Variants in HMCN1 observed in about 807,000 individuals in gnomAD.
HMCN1 encodes the protein hemicentin 1.
In HMCN1, 321 loss-of-function variants were observed where a neutral mutation model predicts 625.9. The observed-to-expected ratio is 0.51, with a 90% CI of 0.47 to 0.56. The LOEUF (loss-of-function observed/expected upper bound fraction) is 0.56, where lower values mean the gene tolerates loss of function less well. Among genes scored for constraint, HMCN1 ranks in the 20% least tolerant of loss-of-function variants. HMCN1 has a pLI of 0.00. For missense variants in HMCN1, 6,588 were observed against 6,887.3 expected (o/e 0.96, Z 1.54); for synonymous variants, 2,425 against 2,417.6 (o/e 1.00, Z -0.09).
Position 186,152,891 on chromosome 1 carries a change from T to A in HMCN1, c.15018+20T>A. The A allele has an allele frequency of 6.2e-7, 1 of 1,613,240 alleles. No individual in the cohort carries two copies. Among genetic ancestry groups the A allele is most frequent in the Non-Finnish European group, 8.5e-7 (1 of 1,179,324 alleles). ...GTAAAGGTAAAATGCCAGGATAACT[T>A]GTCTTTGCTGCTTATTAGAGTAATG... On this transcript the variant is annotated intron_variant, in intron 96 of 106. Transcript: ENST00000271588.
intron 97 of HMCN1, among the ~76,000 whole-genome samples, chr1:186,157,990 G>T (rs939048121): frequency 3.3e-5 from 5 of 151,682 alleles, no homozygotes; most frequent in Non-Finnish European, 7.4e-5. Context: ...GGTATTTCTA[G>T]TTCTAGATCC....
intron 14 of HMCN1, among the ~76,000 whole-genome samples, chr1:185,966,162 C>A (rs1447544763): frequency 6.6e-6 from 1 of 152,102 alleles, no homozygotes; most frequent in Non-Finnish European, 1.5e-5. Context: ...GCTGAACATT[C>A]TCTTTGTTAG....
chr1:185,875,680 C>A (rs923943940), intron 4 of HMCN1, among the ~76,000 whole-genome samples: 1 of 152,092 alleles, frequency 6.6e-6, no homozygotes, highest in Admixed American at 6.6e-5. Context: ...TGACAGATCT[C>A]TATTCCTTCT....
At chr1:185,860,233 TA>T (rs1662780993) in intron 2 of HMCN1, among the ~76,000 whole-genome samples, 1 of 152,200 alleles carries the variant, frequency 6.6e-6, no homozygotes, top group Non-Finnish European at 1.5e-5. Context: ...TATACTGTAT[TA>T]TTTTTTGAAG....
intron 30 of HMCN1, among the ~76,000 whole-genome samples, chr1:186,011,601 T>G (rs1206859187): frequency 6.6e-6 from 1 of 152,232 alleles, no homozygotes; most frequent in Non-Finnish European, 1.5e-5. Context: ...AAAATTTTCT[T>G]TGCATTTGCC....
intron 71 of HMCN1, among the ~76,000 whole-genome samples, chr1:186,110,440 C>T (rs867702537): frequency 7.2e-5 from 11 of 152,130 alleles, no homozygotes; most frequent in Non-Finnish European, 1.0e-4. Context: ...GTGGAGGGGG[C>T]GGTGGTTAAC....
In HMCN1 at chr1:185,890,418, G is replaced by A. The variant is rs575914472; in HGVS notation, c.622-18919G>A. ...TTGTGATGTTAGGGTGTCAATTTTGGATCTTTCCTGCTTTCTCTTGTGGGC... is the reference window on the plus strand; with the variant it reads ...TTGTGATGTTAGGGTGTCAATTTTGAATCTTTCCTGCTTTCTCTTGTGGGC... On this transcript the variant is annotated intron_variant, in intron 4 of 106. Transcript: ENST00000271588. Among the ~76,000 whole-genome samples the A allele has an allele frequency of 3.4e-5, 5 of 146,450 alleles. No individual in the cohort carries two copies. In the East Asian group the frequency reaches 7.8e-4, roughly 23 times the overall value.
At chr1:186,028,937 G>A (rs1053009127) in intron 36 of HMCN1, among the ~76,000 whole-genome samples, 36 of 151,786 alleles carry the variant, frequency 2.4e-4, no homozygotes, top group African/African-American at 8.5e-4. Context: ...ATGTTGCCCA[G>A]GCTGATCTCG....
Position 185,909,265 on chromosome 1 carries a change from A to T in HMCN1, c.622-72A>T, listed in dbSNP as rs1009153574. 2.4e-5 allele frequency: 28 copies of T among 1,183,558 alleles called. No homozygotes were observed. In the African/African-American group the frequency reaches 3.8e-4, roughly 16 times the overall value. 73.3% of individuals were successfully genotyped at this position (1,183,558 alleles called of 1,614,324 possible). ...CCGGAGTCATTTGATCACCCAAAGG[A>T]CCTGAAACAGCAATGATATAAAACT... is the stretch of plus-strand genomic sequence containing the variant. On this transcript the variant is annotated intron_variant, in intron 4 of 106. Transcript: ENST00000271588.
chr1:185,768,764 A>T (rs952853501), intron 1 of HMCN1, among the ~76,000 whole-genome samples: 1 of 152,112 alleles, frequency 6.6e-6, no homozygotes, highest in South Asian at 2.1e-4. Context: ...TGGGCAACAT[A>T]GTAGGACCCC....
intron 48 of HMCN1, among the ~76,000 whole-genome samples, chr1:186,063,467 AAGGAAG>A (rs1558188628): frequency 0.024 from 3,171 of 129,732 alleles, 59 homozygotes; most frequent in Non-Finnish European, 0.033. Context: ...GGAAGGAAGG[AAGGAAG>A]GAAGGAAGGA....
chr1:186,184,717 T>C (rs900596032), intron 105 of HMCN1, among the ~76,000 whole-genome samples: 1 of 152,222 alleles, frequency 6.6e-6, no homozygotes, highest in African/African-American at 2.4e-5. Context: ...TCCTAAATTT[T>C]TTAGTATTCA....
chr1:185,881,236 T>A (rs1209244750), intron 4 of HMCN1, among the ~76,000 whole-genome samples: 1 of 152,176 alleles, frequency 6.6e-6, no homozygotes, highest in Admixed American at 6.5e-5. Flanking sequence ...AAAAATGAAG[T>A]TGCATGAACG....
chr1:186,038,995 G>T lies in HMCN1; in HGVS notation c.6018G>T (p.Leu2006=), dbSNP rs576917433. The T allele has an allele frequency of 2.5e-6, 4 of 1,609,238 alleles. No homozygotes were observed. In the East Asian group the frequency reaches 8.9e-5, roughly 36 times the overall value. Residue 2006 remains leucine, a synonymous_variant, in exon 38 of 107, where the codon CTG becomes CTT. Coordinates refer to ENST00000271588, the MANE Select transcript of HMCN1 (RefSeq NM_031935.3). The stretch of plus-strand genomic sequence containing the variant: ...GAGCTACAGAGTTATTTTACAGTCT[G>T]CAAGTTCATGGTTAGTGCCACTTCA... ...SAGATELFYS[L]QVHVAPSISG...
intron 97 of HMCN1, among the ~76,000 whole-genome samples, chr1:186,162,210 C>T (rs61831324): frequency 0.12 from 18,832 of 152,196 alleles, 1,478 homozygotes; most frequent in Middle Eastern, 0.22. Flanking sequence ...TTGATTGCAT[C>T]GGCTCCTGAG....
chr1:185,838,490 T>G (rs1661301412), intron 1 of HMCN1, among the ~76,000 whole-genome samples: 1 of 152,084 alleles, frequency 6.6e-6, no homozygotes, highest in Non-Finnish European at 1.5e-5. Context: ...AGATTCCTAT[T>G]GGGGAACCTG....
rs746441244 is a variant in HMCN1 at position 185,863,433 on chromosome 1, C to G, written c.340-1037C>G. ...TCAGTTTGTCTGTTTGTCTATCTAC[C>G]ATTTATAATGGAGAAGTAAAATTTG... is the stretch of plus-strand genomic sequence containing the variant. On this transcript the variant is annotated intron_variant, in intron 2 of 106. Coordinates refer to ENST00000271588, the MANE Select transcript of HMCN1 (RefSeq NM_031935.3). Among the ~76,000 whole-genome samples the G allele has an allele frequency of 5.3e-5, 8 of 152,142 alleles. No individual in the cohort carries two copies. In the South Asian group the frequency reaches 6.2e-4, roughly 12 times the overall value.
In HMCN1 at chr1:186,130,106, GA is replaced by G; in HGVS notation, c.13039+10del. The stretch of plus-strand genomic sequence containing the variant: ...TGGATTTGTTTATGTGAAAGGTAGG[GA>G]AAAGCGCTCCATTTTTAATTTATAA... On this transcript the variant is annotated splice_region_variant and intron_variant, in intron 84 of 106. Transcript: ENST00000271588. The G allele has an allele frequency of 6.2e-7, 1 of 1,612,976 alleles. No individual in the cohort carries two copies. The highest frequency in any genetic ancestry group is 8.5e-7 in the Non-Finnish European group (1 of 1,179,230).
At chr1:186,093,438 TACATA>T in intron 65 of HMCN1, 43 bp from the exon 66 acceptor site, 3 of 1,596,314 alleles carry the variant, frequency 1.9e-6, no homozygotes, top group Non-Finnish European at 2.6e-6. Context: ...GAACTAGTAT[TACATA>T]ATACATCCCT....
Sources: allele counts gnomAD v4.1 joint callset (sites outside exome capture counted in the v4.1 genomes callset), GRCh38; gene constraint gnomAD v4.1.1; transcripts MANE v1.5; gene names NCBI Gene and HGNC (gene_info 2026-07-23, HGNC 2026-07-21).